SH3RF1: variants seen among roughly 807,000 people sequenced by gnomAD.
SH3RF1 encodes the protein E3 ubiquitin-protein ligase SH3RF1.
In SH3RF1, 32 loss-of-function variants were observed where a neutral mutation model predicts 74.0. The observed-to-expected ratio is 0.43, with a 90% CI of 0.33 to 0.58. The LOEUF is 0.58. SH3RF1 is among the 20% of genes least tolerant of loss of function. The pLI is 0.05. For synonymous variants in SH3RF1, 396 were observed against 439.6 expected, an observed-to-expected ratio of 0.90 and a Z score of 1.24; for missense variants, 954 against 1,130.9, an observed-to-expected ratio of 0.84 and a Z score of 2.24.
At chr4:169,126,039 T>G (rs966078819) in intron 6 of SH3RF1, among the ~76,000 whole-genome samples, 1 of 152,206 alleles carries the variant, frequency 6.6e-6, no homozygotes, top group Non-Finnish European at 1.5e-5. Context: ...ACCTGAGAGA[T>G]GGAGTTAATA....
At chr4:169,121,291 C>T (rs1253491608) in intron 7 of SH3RF1, among the ~76,000 whole-genome samples, 1 of 152,206 alleles carries the variant, frequency 6.6e-6, no homozygotes, top group Non-Finnish European at 1.5e-5. Flanking sequence ...GAGTGCCTAA[C>T]TTGCTACCAG....
chr4:169,263,937 G>C (rs1374026946), intron 2 of SH3RF1, among the ~76,000 whole-genome samples: 1 of 152,194 alleles, frequency 6.6e-6, no homozygotes, highest in African/African-American at 2.4e-5. Flanking sequence ...GTAGTTGAGG[G>C]AGTAGGGAGG....
intron 11 of SH3RF1, among the ~76,000 whole-genome samples, chr4:169,098,750 A>C (rs1732970802): frequency 6.6e-6 from 1 of 152,218 alleles, no homozygotes; most frequent in South Asian, 2.1e-4. Context: ...GGATTGACAC[A>C]GTCTTTAAGG....
intron 2 of SH3RF1, among the ~76,000 whole-genome samples, chr4:169,237,318 C>G (rs1178132461): frequency 1.3e-5 from 2 of 152,140 alleles, no homozygotes; most frequent in African/African-American, 2.4e-5. Flanking sequence ...TGACTTTCAC[C>G]AGGTGTTTAT....
At chr4:169,186,850 CA>C (rs759258833) in intron 2 of SH3RF1, among the ~76,000 whole-genome samples, 309 of 131,732 alleles carry the variant, frequency 2.3e-3, no homozygotes, top group South Asian at 9.0e-3. Context: ...ACTAAAAATA[CA>C]AAAAAAAAAA....
At chr4:169,175,622 C>A (rs992358285) in intron 2 of SH3RF1, among the ~76,000 whole-genome samples, 3 of 152,186 alleles carry the variant, frequency 2.0e-5, no homozygotes, top group Admixed American at 1.3e-4. Context: ...CAGCACCCAA[C>A]ACAACTTCCT....
At chr4:169,123,911 A>G (rs987176085) in intron 6 of SH3RF1, among the ~76,000 whole-genome samples, 3 of 151,986 alleles carry the variant, frequency 2.0e-5, no homozygotes, top group African/African-American at 7.3e-5. Flanking sequence ...AAAAATTGTT[A>G]TAGCTCTGGA....
intron 2 of SH3RF1, among the ~76,000 whole-genome samples, chr4:169,247,051 C>T (rs2706718): frequency 0.96 from 145,755 of 152,342 alleles, 70,048 homozygotes; most frequent in East Asian, 1. Context: ...AAATCAAAAG[C>T]AGTTAAGGCA....
chr4:169,119,850 T>A (rs1219520451), intron 8 of SH3RF1, among the ~76,000 whole-genome samples: 1 of 152,196 alleles, frequency 6.6e-6, no homozygotes, highest in East Asian at 1.9e-4. Flanking sequence ...GGACTGTATA[T>A]TAAACGGCCG....
chr4:169,209,319 T>C (rs988069873), intron 2 of SH3RF1, among the ~76,000 whole-genome samples: 1 of 151,154 alleles, frequency 6.6e-6, no homozygotes, highest in Non-Finnish European at 1.5e-5. Context: ...CAGCAAGTTA[T>C]AGAAAAAGAG....
chr4:169,148,144 C>T (rs1232395654), intron 4 of SH3RF1, among the ~76,000 whole-genome samples: 1 of 152,090 alleles, frequency 6.6e-6, no homozygotes, highest in African/African-American at 2.4e-5. Context: ...ATGCCCTATA[C>T]ACTTTTTAAG....
At chr4:169,188,948 C>A (rs1417033818) in intron 2 of SH3RF1, among the ~76,000 whole-genome samples, 2 of 152,066 alleles carry the variant, frequency 1.3e-5, no homozygotes, top group Non-Finnish European at 2.9e-5. Context: ...TATGTAGTTA[C>A]CTCAACCTCT....
intron 2 of SH3RF1, among the ~76,000 whole-genome samples, chr4:169,176,034 T>C (rs2706732): frequency 0.58 from 88,025 of 151,998 alleles, 26,841 homozygotes; most frequent in East Asian, 0.78. Flanking sequence ...CACATGCACA[T>C]ACCAAGGAAA....
At chr4:169,176,758 C>T (rs1734427807) in intron 2 of SH3RF1, among the ~76,000 whole-genome samples, 1 of 152,156 alleles carries the variant, frequency 6.6e-6, no homozygotes, top group Admixed American at 6.5e-5. Flanking sequence ...CTAGGCTGGT[C>T]TCGAACTCCC....
chr4:169,202,069 G>A (rs142683744), intron 2 of SH3RF1, among the ~76,000 whole-genome samples: 2 of 151,824 alleles, frequency 1.3e-5, no homozygotes, highest in East Asian at 3.9e-4. Context: ...TTAAATGAGA[G>A]ACAATGCTGT....
intron 1 of SH3RF1, chr4:169,269,761 C>A (rs964798195): frequency 1.0e-4 from 16 of 152,486 alleles, no homozygotes; most frequent in African/African-American, 3.4e-4. Context: ...GTTTAAGAAA[C>A]CATGCCTCAT....
In SH3RF1 at chr4:169,136,329, C is replaced by A; in HGVS notation, c.1057G>T (p.Ala353Ser). 1 of 1,431,934 alleles carries A rather than the reference C, an allele frequency of 7.0e-7. No individual in the cohort carries two copies. Among genetic ancestry groups the A allele is most frequent in the African/African-American group, 1.4e-5 (1 of 69,590 alleles). 88.7% of individuals were successfully genotyped at this position (1,431,934 alleles called of 1,614,324 possible). ...GTTTGAGGATTTACCTGAGAAGGGGCACTGCAGGAGAGCCCAGACAGCTCG... is the reference window on the plus strand; with the variant it reads ...GTTTGAGGATTTACCTGAGAAGGGGAACTGCAGGAGAGCCCAGACAGCTCG... ...ISELSGLSCS[A>S]PSQVHISTTG... The change falls in exon 5 of 12, where the codon GCC becomes TCC. Residue 353 changes from alanine to serine, a missense_variant. Ala to Ser is a moderately conservative substitution (Grantham distance 99). Around this residue, in one of 3 missense-constraint regions of SH3RF1, gnomAD observed 854 missense variants for 962.5 expected, o/e 0.89. Transcript: ENST00000284637.
At chr4:169,207,487 T>C (rs1193404525) in intron 2 of SH3RF1, among the ~76,000 whole-genome samples, 1 of 152,208 alleles carries the variant, frequency 6.6e-6, no homozygotes, top group Non-Finnish European at 1.5e-5. Flanking sequence ...TACCATTTGC[T>C]AAACCAAAAT....
At chr4:169,187,717 A>T (rs1734632571) in intron 2 of SH3RF1, among the ~76,000 whole-genome samples, 1 of 152,232 alleles carries the variant, frequency 6.6e-6, no homozygotes, top group Admixed American at 6.5e-5. Context: ...TCAGATGTAA[A>T]AAGTTACCAG....
Sources: allele counts gnomAD v4.1 joint callset (sites outside exome capture counted in the v4.1 genomes callset), GRCh38; gene constraint gnomAD v4.1.1; regional missense constraint gnomAD v4.1.1; transcripts MANE v1.5; gene names NCBI Gene and HGNC (gene_info 2026-07-23, HGNC 2026-07-21).